Variants in PAX8 observed in about 807,000 individuals in gnomAD.
The protein encoded by PAX8 is paired box 8.
Under a neutral mutation model 52.4 loss-of-function variants are expected in PAX8, and 15 were observed. The observed-to-expected ratio is 0.29, with a 90% confidence interval of 0.19 to 0.44. The LOEUF (loss-of-function observed/expected upper bound fraction) is 0.44. Among genes scored for constraint, PAX8 ranks in the 20% least tolerant of loss-of-function variants. The pLI is 1.00. For missense variants in PAX8, 554 were observed against 602.5 expected (o/e 0.92, Z 0.84); for synonymous variants, 284 against 249.7 (o/e 1.14, Z -1.29).
At chr2:113,263,675 A>G (rs955276086) in intron 2 of PAX8, among the ~76,000 whole-genome samples, 2 of 152,166 alleles carry the variant, frequency 1.3e-5, no homozygotes, top group African/African-American at 4.8e-5. Flanking sequence ...CCATAGCCAG[A>G]TGGGAGATCT....
At chr2:113,273,047 G>A (rs1231722840) in intron 2 of PAX8, 2 of 151,916 alleles carry the variant, frequency 1.3e-5, no homozygotes, top group African/African-American at 4.8e-5. Context: ...TTGGCTTCTC[G>A]TGTACTCAGA....
At chr2:113,255,237 AGG>A (rs1692142046) in intron 2 of PAX8, among the ~76,000 whole-genome samples, 1 of 43,480 alleles carries the variant, frequency 2.3e-5, no homozygotes, top group African/African-American at 1.1e-4. Flanking sequence ...GGAGGGGAGG[AGG>A]GAGGGGAGGA....
rs1379578898 is a variant in PAX8 at position 113,242,798 on chromosome 2, G to C, written c.390-20C>G. The C allele has an allele frequency of 6.3e-7, 1 of 1,591,366 alleles. No homozygotes were observed. Among genetic ancestry groups the C allele is most frequent in the African/African-American group, 1.3e-5 (1 of 74,542 alleles). On this transcript the variant is annotated intron_variant, in intron 4 of 11. Coordinates refer to ENST00000429538, the MANE Select transcript of PAX8 (RefSeq NM_003466.4). ...ATGATTCTGTGATGAAGAGAAGAAA[G>C]GCCATGAGAGAGAAGAGGAGGAAAG...
At chr2:113,244,286 G>C in intron 4 of PAX8, 141 bp downstream of exon 4, 2 of 754,090 alleles carry the variant, frequency 2.7e-6, no homozygotes, top group Non-Finnish European at 4.8e-6. Flanking sequence ...CTGGAGCCAG[G>C]TGTGCTCCCT....
At chr2:113,218,838 C>A (rs188505994) in intron 11 of PAX8, among the ~76,000 whole-genome samples, 2 of 152,206 alleles carry the variant, frequency 1.3e-5, no homozygotes, top group South Asian at 4.1e-4. Flanking sequence ...GCCCCTTCCC[C>A]CTATGGCTGC....
intron 2 of PAX8, among the ~76,000 whole-genome samples, chr2:113,258,626 GT>G (rs924081171): frequency 6.6e-6 from 1 of 152,202 alleles, no homozygotes; most frequent in African/African-American, 2.4e-5. Context: ...CAGCTCCGCT[GT>G]TATTCTTGTA....
intron 11 of PAX8, among the ~76,000 whole-genome samples, chr2:113,219,122 C>T (rs1171820472): frequency 1.3e-5 from 2 of 152,196 alleles, no homozygotes; most frequent in Non-Finnish European, 2.9e-5. Context: ...GTGCCTGAAC[C>T]CTGGCATGTC....
At chr2:113,244,365 T>C in intron 4 of PAX8, 62 bp downstream of exon 4, 1 of 1,302,686 alleles carries the variant, frequency 7.7e-7, no homozygotes, top group Admixed American at 1.7e-5. Context: ...TCTTGTCTCT[T>C]TCCTGATTTC....
At position 113,218,352 on chromosome 2, in the gene PAX8, T is replaced by G. The variant is rs1199441448; in HGVS notation, c.*181A>C. The stretch of plus-strand genomic sequence containing the variant: ...AGGAGTCTTGGAGGACAGTTTGGCC[T>G]TGTCCAAGGTCATCCTGTCTTTCAT... On this transcript the variant is annotated 3_prime_UTR_variant, in exon 12 of 12. Coordinates refer to ENST00000429538, the MANE Select transcript of PAX8 (RefSeq NM_003466.4). 4.5e-6 allele frequency: 2 copies of G among 445,986 alleles called. No homozygotes were observed. The highest frequency in any genetic ancestry group is 7.9e-6 in the Non-Finnish European group (2 of 252,706). The allele number at this position is 445,986 out of a possible 1,614,324, so 27.6% of individuals were successfully genotyped here.
At chr2:113,247,943 G>C (rs1446125408) in intron 2 of PAX8, among the ~76,000 whole-genome samples, 1 of 152,210 alleles carries the variant, frequency 6.6e-6, no homozygotes, top group Non-Finnish European at 1.5e-5. Context: ...CACTGGAGGG[G>C]AACTTGACTT....
chr2:113,234,581 C>T (rs565668672), intron 9 of PAX8, among the ~76,000 whole-genome samples: 37 of 152,288 alleles, frequency 2.4e-4, no homozygotes, highest in South Asian at 2.1e-4. Context: ...AGTGCCATGG[C>T]GCCACCTCAG....
chr2:113,241,016 A>G (rs1430664495), intron 7 of PAX8: 1 of 204,692 alleles, frequency 4.9e-6, no homozygotes, highest in Non-Finnish European at 1.0e-5. Context: ...TGGCTGAGTC[A>G]TGAAGGCTAG....
At position 113,216,766 on chromosome 2, in the gene PAX8, A is replaced by T. The variant is rs969627763; in HGVS notation, c.*1767T>A. The T allele has an allele frequency of 4.4e-6, 1 of 227,718 alleles. No individual in the cohort carries two copies. Among genetic ancestry groups the T allele is most frequent in the East Asian group, 6.3e-5 (1 of 15,956 alleles). 14.1% of individuals were successfully genotyped at this position (227,718 alleles called of 1,614,324 possible). ...TCCACTGGGTCTAGAACCATTTGGC[A>T]TCCCTGATGAGGACTCTGGGGTTTT... On this transcript the variant is annotated 3_prime_UTR_variant, in exon 12 of 12. Coordinates refer to ENST00000429538, the MANE Select transcript of PAX8 (RefSeq NM_003466.4).
intron 2 of PAX8, chr2:113,268,636 A>G (rs1231322514): frequency 6.6e-6 from 1 of 152,292 alleles, no homozygotes; most frequent in East Asian, 1.9e-4. Flanking sequence ...ACTGCAAGGC[A>G]TGCCGTACAA....
chr2:113,270,363 A>C (rs955358652), intron 2 of PAX8: 2 of 152,152 alleles, frequency 1.3e-5, no homozygotes, highest in African/African-American at 4.8e-5. Context: ...GCATCCCCAT[A>C]TTTTATAAAG....
chr2:113,236,755 G>C, intron 7 of PAX8, 34 bp from the exon 8 acceptor site: 4 of 1,543,680 alleles, frequency 2.6e-6, no homozygotes, highest in Non-Finnish European at 3.5e-6. Flanking sequence ...GCACAGAGAC[G>C]ATCCAACAAG....
At chr2:113,277,752 G>A (rs372145002) in intron 2 of PAX8, among the ~76,000 whole-genome samples, 160 of 152,322 alleles carry the variant, frequency 1.1e-3, no homozygotes, top group African/African-American at 3.4e-3. Context: ...CAGGTGGGGA[G>A]GGGGTTTTGA....
chr2:113,261,791 C>T (rs1423936415), intron 2 of PAX8, among the ~76,000 whole-genome samples: 1 of 151,626 alleles, frequency 6.6e-6, no homozygotes, highest in Non-Finnish European at 1.5e-5. Context: ...AGAACATGTC[C>T]TGAAGCAAGT....
intron 2 of PAX8, among the ~76,000 whole-genome samples, chr2:113,264,889 G>A (rs544342189): frequency 6.6e-5 from 10 of 152,240 alleles, no homozygotes; most frequent in Admixed American, 4.6e-4. Flanking sequence ...GAATGTACAT[G>A]GTGTATTTTG....
Sources: allele counts gnomAD v4.1 joint callset (sites outside exome capture counted in the v4.1 genomes callset), GRCh38; gene constraint gnomAD v4.1.1; transcripts MANE v1.5; gene names NCBI Gene and HGNC (gene_info 2026-07-23, HGNC 2026-07-21).